The following ITPKB variants were observed in gnomAD, a reference collection of about 807,000 sequenced individuals.
ITPKB encodes the protein inositol-trisphosphate 3-kinase B.
ITPKB carries 13 observed loss-of-function variants against 69.4 expected under a neutral mutation model. The observed-to-expected ratio is 0.19, with a 90% CI of 0.12 to 0.30. The LOEUF is 0.30. Among genes scored for constraint, ITPKB ranks in the 10% least tolerant of loss-of-function variants. The pLI, the probability that ITPKB is intolerant of heterozygous loss-of-function variation, is 1.00. For synonymous variants in ITPKB, 584 were observed against 513.7 expected (o/e 1.14, Z -1.85); for missense variants, 1,240 against 1,250.5 (o/e 0.99, Z 0.13).
chr1:226,658,697 C>T (rs892924656), intron 2 of ITPKB, among the ~76,000 whole-genome samples: 10 of 152,212 alleles, frequency 6.6e-5, no homozygotes, highest in African/African-American at 2.4e-4. Flanking sequence ...CACCGAACAT[C>T]CTCCACAGCG....
rs751886884 is a variant in ITPKB at position 226,736,252 on chromosome 1, C to T, written c.1207G>A (p.Ala403Thr). 7 of 1,562,594 alleles carry T rather than the reference C, an allele frequency of 4.5e-6. No homozygotes were observed. Among genetic ancestry groups the T allele is most frequent in the South Asian group, 1.2e-5 (1 of 81,830 alleles). The change falls in exon 2 of 8, where the codon GCA becomes ACA. Residue 403 changes from alanine to threonine, a missense_variant. Ala to Thr is a moderately conservative substitution (Grantham distance 58). This residue lies in a region of ITPKB where 992 missense variants were observed against 853.8 expected (regional missense o/e 1.16). Coordinates refer to ENST00000429204, the MANE Select transcript of ITPKB (RefSeq NM_002221.4). The stretch of plus-strand genomic sequence containing the variant: ...CAGCTCAGGGAATCAGAGGACTCTG[C>T]GCTTTGCACGCTCACAGTCGTCTCC... ...PEETTVSVQSAESSDSLSWSR... is the reference protein window; with the variant it reads ...PEETTVSVQSTESSDSLSWSR...
At chr1:226,684,981 T>TCCTA (rs1196996820) in intron 2 of ITPKB, among the ~76,000 whole-genome samples, 1 of 152,144 alleles carries the variant, frequency 6.6e-6, no homozygotes, top group Non-Finnish European at 1.5e-5. Context: ...AACTCACAGG[T>TCCTA]CCTACATGGG....
At chr1:226,716,112 T>C (rs1657089106) in intron 2 of ITPKB, among the ~76,000 whole-genome samples, 1 of 152,232 alleles carries the variant, frequency 6.6e-6, no homozygotes, top group Non-Finnish European at 1.5e-5. Flanking sequence ...CACCTGGCCC[T>C]CTATTGCTTT....
chr1:226,675,832 TTGC>T (rs1669719626), intron 2 of ITPKB, among the ~76,000 whole-genome samples: 1 of 152,238 alleles, frequency 6.6e-6, no homozygotes, highest in Non-Finnish European at 1.5e-5. Context: ...TCCCAGCCTC[TTGC>T]TCCTCAAACG....
At chr1:226,723,625 T>C (rs1026380422) in intron 2 of ITPKB, among the ~76,000 whole-genome samples, 23 of 152,052 alleles carry the variant, frequency 1.5e-4, no homozygotes, top group African/African-American at 5.3e-4. Flanking sequence ...GGCTCTCTTA[T>C]GAGCTACAGT....
At chr1:226,721,151 C>T (rs1467714427) in intron 2 of ITPKB, among the ~76,000 whole-genome samples, 1 of 150,762 alleles carries the variant, frequency 6.6e-6, no homozygotes, top group African/African-American at 2.4e-5. Flanking sequence ...CGAGCCCAAC[C>T]TGACCAACAT....
intron 2 of ITPKB, among the ~76,000 whole-genome samples, chr1:226,732,881 TGATCCCTACTAA>T (rs1318471654): frequency 6.6e-6 from 1 of 152,206 alleles, no homozygotes; most frequent in Admixed American, 6.5e-5. Context: ...TTCAAGTGTC[TGATCCCTACTAA>T]GCAGATATAC....
chr1:226,641,886 T>C lies in ITPKB; in HGVS notation c.2451+35A>G. On this transcript the variant is annotated intron_variant, in intron 5 of 7. Coordinates refer to ENST00000429204, the MANE Select transcript of ITPKB (RefSeq NM_002221.4). This position sits in a 1 kb window ranked among gnomAD's most constrained non-coding sequence, Gnocchi z 4.6. ...CCAAGCCCCCTGAGGTGGGCACGGG[T>C]GGGGCCCGAGGCTGCCCTCACTCGC... The C allele has an allele frequency of 6.3e-7, 1 of 1,589,852 alleles. No individual in the cohort carries two copies. Among genetic ancestry groups the C allele is most frequent in the Non-Finnish European group, 8.6e-7 (1 of 1,163,064 alleles).
intron 2 of ITPKB, among the ~76,000 whole-genome samples, chr1:226,724,715 A>G (rs1657354629): frequency 6.6e-6 from 1 of 152,212 alleles, no homozygotes; most frequent in East Asian, 1.9e-4. Flanking sequence ...TTCCATAGCT[A>G]AGACTCTATA....
At chr1:226,640,656 A>G (rs1430703722) in intron 5 of ITPKB, among the ~76,000 whole-genome samples, 17 of 152,152 alleles carry the variant, frequency 1.1e-4, no homozygotes, top group African/African-American at 4.1e-4. Context: ...GGTGAAGGGA[A>G]AGTGGATTGT....
At chr1:226,639,771 G>T in intron 5 of ITPKB, 113 bp from the exon 6 acceptor site, 1 of 745,526 alleles carries the variant, frequency 1.3e-6, no homozygotes, top group Non-Finnish European at 2.4e-6. Flanking sequence ...ACCTGGGGCA[G>T]GGCCAGTGGA....
chr1:226,722,625 G>A (rs914111376), intron 2 of ITPKB, among the ~76,000 whole-genome samples: 8 of 152,082 alleles, frequency 5.3e-5, no homozygotes, highest in Non-Finnish European at 1.2e-4. Flanking sequence ...CAGCACATTC[G>A]CCATCAGACC....
chr1:226,672,619 C>T (rs1228582000), intron 2 of ITPKB, among the ~76,000 whole-genome samples: 3 of 152,210 alleles, frequency 2.0e-5, no homozygotes, highest in African/African-American at 7.2e-5. Flanking sequence ...TCTTCTCACT[C>T]CCACTCTAAC....
chr1:226,703,662 C>G (rs1443884492), intron 2 of ITPKB, among the ~76,000 whole-genome samples: 1 of 152,224 alleles, frequency 6.6e-6, no homozygotes, highest in Non-Finnish European at 1.5e-5. Flanking sequence ...CTAGCGGGCC[C>G]GCAGCAGAGG....
intron 2 of ITPKB, among the ~76,000 whole-genome samples, chr1:226,717,999 G>A (rs1161167619): frequency 6.6e-6 from 1 of 152,212 alleles, no homozygotes; most frequent in Admixed American, 6.5e-5. Flanking sequence ...CCAGCCATTA[G>A]AGAAAAGCAA....
chr1:226,682,220 G>A (rs1423843464), intron 2 of ITPKB, among the ~76,000 whole-genome samples: 3 of 152,156 alleles, frequency 2.0e-5, no homozygotes, highest in Non-Finnish European at 4.4e-5. Context: ...CTAGCACAGG[G>A]ATTTATTTGT....
At chr1:226,722,106 C>A (rs564043497) in intron 2 of ITPKB, among the ~76,000 whole-genome samples, 3 of 152,226 alleles carry the variant, frequency 2.0e-5, no homozygotes, top group South Asian at 4.1e-4. Context: ...AGCCACCGCA[C>A]CCAGCCATAA....
In ITPKB at chr1:226,738,095, G is replaced by C. The variant is rs908584048; in HGVS notation, c.-205-432C>G. Reference sequence around the variant, plus strand: ...AAACATTGGCTATCCAGGGCAACCCGGCAGCCCTCGCCCTGGGCTTCAGGG... The same window carrying C: ...AAACATTGGCTATCCAGGGCAACCCCGCAGCCCTCGCCCTGGGCTTCAGGG... On this transcript the variant is annotated intron_variant, in intron 1 of 7. Coordinates refer to ENST00000429204, the MANE Select transcript of ITPKB (RefSeq NM_002221.4). This position sits in a 1 kb window ranked among gnomAD's most constrained non-coding sequence, Gnocchi z 4.2. Among the ~76,000 whole-genome samples the C allele has an allele frequency of 1.3e-5, 2 of 152,088 alleles. No individual in the cohort carries two copies. Among genetic ancestry groups the C allele is most frequent in the East Asian group, 3.9e-4 (2 of 5,162 alleles).
chr1:226,696,636 A>C (rs1050853800), intron 2 of ITPKB, among the ~76,000 whole-genome samples: 2 of 152,234 alleles, frequency 1.3e-5, no homozygotes, highest in Admixed American at 1.3e-4. Flanking sequence ...AGCAACCGCT[A>C]AGATGGCTGG....
Sources: gnomAD v4.1 joint callset for allele counts (sites outside exome capture counted in the v4.1 genomes callset) on GRCh38, gnomAD v4.1.1 for gene constraint, gnomAD v4.1.1 regional missense constraint, Gnocchi (gnomAD v3.1) non-coding constraint, MANE v1.5 for transcripts, NCBI Gene and HGNC (gene_info 2026-07-23, HGNC 2026-07-21) for gene names.